Variants in TNS3 observed in about 807,000 individuals in gnomAD.
The protein encoded by TNS3 is tensin-3.
In TNS3, 45 loss-of-function variants were observed where a neutral mutation model predicts 140.9. The observed-to-expected ratio is 0.32, with a 90% confidence interval of 0.25 to 0.41. The LOEUF (loss-of-function observed/expected upper bound fraction) is 0.41, where lower values mean the gene tolerates loss of function less well. Among genes scored for constraint, TNS3 ranks in the 10% least tolerant of loss-of-function variants. The pLI is 1.00. For synonymous variants in TNS3, 815 were observed against 788.4 expected, an observed-to-expected ratio of 1.03 and a Z score of -0.56; for missense variants, 1,716 against 1,906.7, an observed-to-expected ratio of 0.90 and a Z score of 1.86.
intron 3 of TNS3, among the ~76,000 whole-genome samples, chr7:47,488,664 C>A (rs1481061547): frequency 1.3e-5 from 2 of 152,228 alleles, no homozygotes; most frequent in Non-Finnish European, 2.9e-5. Context: ...GGGATTTGGA[C>A]TTCAACATTT....
rs1792309636 is a variant in TNS3, at chr7:47,389,080, A to AGCG, written c.1024+7719_1024+7720insCGC. On this transcript the variant is annotated intron_variant, in intron 16 of 30. Transcript: ENST00000311160. ...AAGAAGAAGAAGAAGAAGAAGAAGA[A>AGCG]GAAGAGGAAGAGGAAGAGGAAGCGG... is the stretch of plus-strand genomic sequence containing the variant. 6.1e-5 allele frequency among the ~76,000 whole-genome samples: 4 copies of AGCG among 65,782 alleles called. 1 individual carries two copies. Among genetic ancestry groups the AGCG allele is most frequent in the African/African-American group, 2.6e-4 (4 of 15,136 alleles). The allele number at this position is 65,782 out of a possible 152,430, so 43.2% of individuals were successfully genotyped here. A position where few individuals can be genotyped will look rare whatever the true frequency, so the allele number is the denominator to read the frequency against.
intron 4 of TNS3, among the ~76,000 whole-genome samples, chr7:47,468,708 C>A (rs1796822533): frequency 6.6e-6 from 1 of 152,120 alleles, no homozygotes; most frequent in Non-Finnish European, 1.5e-5. Context: ...AAACTACTGA[C>A]ATCATTCTTC....
chr7:47,488,014 G>C (rs1797674741), intron 3 of TNS3, among the ~76,000 whole-genome samples: 1 of 152,032 alleles, frequency 6.6e-6, no homozygotes, highest in Non-Finnish European at 1.5e-5. Context: ...ATTGGGGGTT[G>C]GGACTCTTCT....
chr7:47,396,498 G>A (rs1050949736), intron 16 of TNS3: 19 of 357,638 alleles, frequency 5.3e-5, no homozygotes, highest in South Asian at 3.0e-4. Context: ...AAGGGGGAAC[G>A]GTCCCTGGCA....
Position 47,407,848 on chromosome 7 carries a change from C to A in TNS3, c.723+3879G>T, listed in dbSNP as rs114867488. The stretch of plus-strand genomic sequence containing the variant: ...AGAGGCCTCAGGAGAAACCACCCTG[C>A]CCACACCTGGATCTCAGGCTCCCAG... On this transcript the variant is annotated intron_variant, in intron 13 of 30. Coordinates refer to ENST00000311160, the MANE Select transcript of TNS3 (RefSeq NM_022748.12). The surrounding 1 kb of genome is among the most constrained non-coding windows in gnomAD (Gnocchi z 4.1). Among the ~76,000 whole-genome samples the A allele has an allele frequency of 3.2e-3, 490 of 152,288 alleles. 1 individual carries two copies. Among genetic ancestry groups the A allele is most frequent in the African/African-American group, 0.011 (461 of 41,546 alleles).
chr7:47,349,693 A>T (rs1562622845), intron 17 of TNS3, among the ~76,000 whole-genome samples: 1 of 152,242 alleles, frequency 6.6e-6, no homozygotes, highest in Non-Finnish European at 1.5e-5. Context: ...TTCCTCTCGG[A>T]CTGCAAACCT....
intron 16 of TNS3, among the ~76,000 whole-genome samples, chr7:47,386,344 A>C (rs1323906478): frequency 6.6e-6 from 1 of 152,166 alleles, no homozygotes; most frequent in Non-Finnish European, 1.5e-5. Context: ...TGTCCACAGA[A>C]ACCTGTTTTC....
At chr7:47,391,786 AG>A (rs1347994535) in intron 16 of TNS3, among the ~76,000 whole-genome samples, 1 of 152,144 alleles carries the variant, frequency 6.6e-6, no homozygotes, top group Non-Finnish European at 1.5e-5. Context: ...ACATCCTGCT[AG>A]GGTAAGAAAT....
At chr7:47,529,013 G>C (rs932354701) in intron 2 of TNS3, 23 bp downstream of exon 2, 4 of 1,232,252 alleles carry the variant, frequency 3.2e-6, no homozygotes, top group African/African-American at 3.1e-5. Context: ...TAATCAGTGA[G>C]AGAATCATAA....
chr7:47,295,678 C>T (rs1194261225), intron 24 of TNS3, among the ~76,000 whole-genome samples: 2 of 152,150 alleles, frequency 1.3e-5, no homozygotes, highest in African/African-American at 4.8e-5. Flanking sequence ...TTTGACTGAG[C>T]CCCGGGTCTT....
chr7:47,365,947 A>T (rs967943703), intron 17 of TNS3, among the ~76,000 whole-genome samples: 1 of 152,152 alleles, frequency 6.6e-6, no homozygotes, highest in Non-Finnish European at 1.5e-5. Flanking sequence ...TCAAGAGACT[A>T]CTATATGTTA....
intron 16 of TNS3, among the ~76,000 whole-genome samples, chr7:47,388,028 T>C (rs1384998509): frequency 2.0e-5 from 3 of 152,022 alleles, no homozygotes; most frequent in Non-Finnish European, 4.4e-5. Context: ...TTCCAGGCAA[T>C]GGAGAGAAAG....
chr7:47,319,456 T>C (rs1298465156), intron 20 of TNS3, among the ~76,000 whole-genome samples: 1 of 152,018 alleles, frequency 6.6e-6, no homozygotes, highest in Non-Finnish European at 1.5e-5. Flanking sequence ...CAGGCTCTTT[T>C]TGACAATCAG....
In TNS3 at chr7:47,375,255, G is replaced by A. The variant is rs181427701; in HGVS notation, c.1025-5634C>T. Among the ~76,000 whole-genome samples the A allele has an allele frequency of 6.6e-5, 10 of 152,198 alleles. No homozygotes were observed. In the East Asian group the frequency reaches 9.7e-4, roughly 15 times the overall value. On this transcript the variant is annotated intron_variant, in intron 16 of 30. Coordinates refer to ENST00000311160, the MANE Select transcript of TNS3 (RefSeq NM_022748.12). Reference sequence around the variant, plus strand: ...CAGTCCAGGGTAAATCATCCCATTCGGTGTCCCCTTTCCCTTGCGTTGCCA... The same window carrying A: ...CAGTCCAGGGTAAATCATCCCATTCAGTGTCCCCTTTCCCTTGCGTTGCCA...
chr7:47,315,741 G>A (rs1040307243), intron 20 of TNS3, among the ~76,000 whole-genome samples: 7 of 152,182 alleles, frequency 4.6e-5, no homozygotes, highest in African/African-American at 1.7e-4. Flanking sequence ...AAACATCAAA[G>A]TTCATCCTCA....
At chr7:47,287,942 A>G (rs1785502570) in intron 27 of TNS3, among the ~76,000 whole-genome samples, 1 of 152,238 alleles carries the variant, frequency 6.6e-6, no homozygotes. Flanking sequence ...ATTTTAAAAG[A>G]TGGAAGTGCA....
At chr7:47,328,301 C>T (rs1045422413) in intron 20 of TNS3, among the ~76,000 whole-genome samples, 2 of 152,222 alleles carry the variant, frequency 1.3e-5, no homozygotes, top group African/African-American at 2.4e-5. Context: ...GTCAGTGCCT[C>T]CAGACGGCCC....
At chr7:47,448,831 A>G (rs970160508) in intron 4 of TNS3, among the ~76,000 whole-genome samples, 2 of 152,076 alleles carry the variant, frequency 1.3e-5, no homozygotes, top group African/African-American at 4.8e-5. Context: ...GAACAAATCA[A>G]CAGTTTCCAA....
At chr7:47,282,106 T>A (rs1163567882) in intron 28 of TNS3, among the ~76,000 whole-genome samples, 1 of 150,996 alleles carries the variant, frequency 6.6e-6, no homozygotes, top group Non-Finnish European at 1.5e-5. Context: ...ACACTGACTC[T>A]GAGTCCACCG....
Sources: gnomAD v4.1 joint callset for allele counts (sites outside exome capture counted in the v4.1 genomes callset) on GRCh38, gnomAD v4.1.1 for gene constraint, Gnocchi (gnomAD v3.1) non-coding constraint, MANE v1.5 for transcripts, NCBI Gene and HGNC (gene_info 2026-07-23, HGNC 2026-07-21) for gene names.